The following SLC4A10 variants were observed in gnomAD, a reference collection of about 807,000 sequenced individuals.
SLC4A10 encodes sodium-driven chloride bicarbonate exchanger.
A neutral mutation model predicts 137.7 loss-of-function variants in SLC4A10; 42 were observed. The observed-to-expected ratio is 0.30, with a 90% CI of 0.24 to 0.39. SLC4A10 has a LOEUF of 0.39. Ranked by LOEUF, SLC4A10 falls within the 10% of genes least tolerant of loss-of-function variation. The probability of loss-of-function intolerance (pLI) is 1.00; values close to 1 mark genes in which losing one functional copy is unlikely to be tolerated. For synonymous variants in SLC4A10, 474 were observed against 464.1 expected (o/e 1.02, Z -0.27); for missense variants, 925 against 1,355.0 (o/e 0.68, Z 4.98).
At chr2:161,725,911 G>A (rs1212892788) in intron 1 of SLC4A10, among the ~76,000 whole-genome samples, 1 of 152,100 alleles carries the variant, frequency 6.6e-6, no homozygotes, top group Admixed American at 6.5e-5. Context: ...CCTACTTCTG[G>A]CATAATATTT....
At chr2:161,966,882 G>A (rs1360040355) in intron 23 of SLC4A10, among the ~76,000 whole-genome samples, 5 of 151,860 alleles carry the variant, frequency 3.3e-5, no homozygotes, top group Admixed American at 6.6e-5. Flanking sequence ...TAAATAAAAC[G>A]GACACTAGAA....
At chr2:161,903,069 C>T (rs1356692086) in intron 12 of SLC4A10, among the ~76,000 whole-genome samples, 6 of 152,044 alleles carry the variant, frequency 3.9e-5, no homozygotes, top group East Asian at 1.9e-4. Context: ...GTTAAGTCTG[C>T]GTATTGTTAT....
At chr2:161,794,150 A>T (rs2054508695) in intron 2 of SLC4A10, among the ~76,000 whole-genome samples, 1 of 152,192 alleles carries the variant, frequency 6.6e-6, no homozygotes, top group Admixed American at 6.5e-5. Context: ...ATATTAAAGT[A>T]GTGCTATTTA....
rs1160967516 is a variant in SLC4A10 at position 161,862,931 on chromosome 2, G to C, written c.635G>C (p.Arg212Thr). The C allele has an allele frequency of 3.1e-6, 5 of 1,612,242 alleles. No homozygotes were observed. The East Asian group carries it at 1.1e-4, about 36-fold the overall frequency. ...SGQLNEDVRHRVHEALMKQHH... is the reference protein window; with the variant it reads ...SGQLNEDVRHTVHEALMKQHH... ...CAGCTGAATGAAGATGTACGCCATA[G>C]GGTCCATGAGGCATTGATGAAACAG... Residue 212 changes from arginine (R) to threonine (T), a missense_variant, in exon 6 of 27, where the codon AGG becomes ACG. Arg to Thr is a moderately conservative substitution (Grantham distance 71). Transcript: ENST00000446997.
intron 14 of SLC4A10, 118 bp from the exon 15 acceptor site, chr2:161,905,524 G>A (rs72865241): frequency 0.079 from 108,243 of 1,362,574 alleles, 4,740 homozygotes; most frequent in East Asian, 0.12. Flanking sequence ...AGATACTCAT[G>A]GGATGTGAAG....
At chr2:161,862,735 G>C (rs1450794573) in intron 5 of SLC4A10, 139 bp from the exon 6 acceptor site, 1 of 623,152 alleles carries the variant, frequency 1.6e-6, no homozygotes, top group African/African-American at 1.9e-5. Context: ...AGCATGCTTA[G>C]AGATTTTTTA....
chr2:161,855,938 A>G (rs931881787), intron 5 of SLC4A10, among the ~76,000 whole-genome samples: 3 of 152,122 alleles, frequency 2.0e-5, no homozygotes, highest in African/African-American at 7.2e-5. Context: ...AAAAAACTTA[A>G]TATCTTAATC....
At chr2:161,767,011 C>G (rs2050881558) in intron 1 of SLC4A10, among the ~76,000 whole-genome samples, 1 of 145,204 alleles carries the variant, frequency 6.9e-6, no homozygotes, top group South Asian at 2.2e-4. Flanking sequence ...TGAAATGTAT[C>G]TATAATCCTT....
intron 19 of SLC4A10, among the ~76,000 whole-genome samples, chr2:161,956,529 C>G (rs374888496): frequency 0.026 from 3,841 of 150,564 alleles, 69 homozygotes; most frequent in African/African-American, 0.051. Flanking sequence ...CCTGTCTGTG[C>G]AAGAGGGCAG....
At chr2:161,744,311 C>A (rs913332534) in intron 1 of SLC4A10, among the ~76,000 whole-genome samples, 2 of 151,640 alleles carry the variant, frequency 1.3e-5, no homozygotes, top group African/African-American at 4.8e-5. Flanking sequence ...CCTTCTATAC[C>A]CAGGTTTTTT....
At chr2:161,675,565 G>A (rs2040192610) in intron 1 of SLC4A10, among the ~76,000 whole-genome samples, 1 of 152,026 alleles carries the variant, frequency 6.6e-6, no homozygotes, top group South Asian at 2.1e-4. Context: ...TTAACCATAT[G>A]ACTTTATGCA....
At chr2:161,943,046 A>C (rs1275716821) in intron 16 of SLC4A10, 149 bp downstream of exon 16, 1 of 630,624 alleles carries the variant, frequency 1.6e-6, no homozygotes. Flanking sequence ...TCAGATGCTC[A>C]TCAGTAAACT....
intron 6 of SLC4A10, among the ~76,000 whole-genome samples, chr2:161,871,644 GT>G (rs1361723544): frequency 1.3e-5 from 2 of 151,954 alleles, no homozygotes; most frequent in Non-Finnish European, 2.9e-5. Context: ...TACAATTCAA[GT>G]TTTTATCTTT....
intron 4 of SLC4A10, among the ~76,000 whole-genome samples, chr2:161,851,259 ATC>A (rs2059815359): frequency 6.6e-6 from 1 of 152,180 alleles, no homozygotes; most frequent in African/African-American, 2.4e-5. Context: ...GGTCCCAAAT[ATC>A]TCTTGTTAGT....
chr2:161,916,886 C>T (rs551415606), intron 15 of SLC4A10, among the ~76,000 whole-genome samples: 240 of 152,232 alleles, frequency 1.6e-3, no homozygotes, highest in African/African-American at 5.5e-3. Context: ...ATTTACTTAT[C>T]TTTTTAAAGT....
chr2:161,724,173 T>G (rs879829860), intron 1 of SLC4A10, among the ~76,000 whole-genome samples: 2 of 152,164 alleles, frequency 1.3e-5, no homozygotes, highest in Non-Finnish European at 2.9e-5. Flanking sequence ...AACTGGTCTT[T>G]TTCTTCCCCT....
chr2:161,784,844 G>GA (rs917418921), intron 2 of SLC4A10, among the ~76,000 whole-genome samples: 74 of 141,914 alleles, frequency 5.2e-4, no homozygotes, highest in African/African-American at 8.2e-4. Flanking sequence ...GAAGGGACTA[G>GA]AAAAAAAAAA....
intron 25 of SLC4A10, chr2:161,977,405 G>T: frequency 2.1e-6 from 1 of 482,126 alleles, no homozygotes; most frequent in Non-Finnish European, 4.0e-6. Flanking sequence ...GTGTGTAAAT[G>T]TACAAACAAC....
rs201661706 is a variant in SLC4A10 at position 161,904,117 on chromosome 2, C to T, written c.1556C>T (p.Ala519Val). Residue 519 changes from alanine to valine, a missense_variant, in exon 13 of 27, where the codon GCG becomes GTG. Ala to Val is a moderately conservative substitution (Grantham distance 64). Transcript: ENST00000446997. ...GCATCTTTTCTATTTCTCTACTGCG[C>T]GTGTATGTCTCCTGTCATCACGTTT... is the stretch of plus-strand genomic sequence containing the variant. Reference protein sequence around the residue: ...CLASFLFLYCACMSPVITFGG... With the variant: ...CLASFLFLYCVCMSPVITFGG... 15 of 1,610,772 alleles carry T rather than the reference C, an allele frequency of 9.3e-6. No homozygotes were observed. The highest frequency in any genetic ancestry group is 1.1e-5 in the Non-Finnish European group (13 of 1,178,382).
Sources: gnomAD v4.1 joint callset for allele counts (sites outside exome capture counted in the v4.1 genomes callset) on GRCh38, gnomAD v4.1.1 for gene constraint, MANE v1.5 for transcripts, NCBI Gene and HGNC (gene_info 2026-07-23, HGNC 2026-07-21) for gene names.